The following GNA14 variants were observed in gnomAD, a reference collection of about 807,000 sequenced individuals.
GNA14 encodes G protein subunit alpha 14.
Under a neutral mutation model 42.0 loss-of-function variants are expected in GNA14, and 50 were observed. The ratio of observed to expected loss-of-function variants is 1.19; its 90% CI spans 0.95 to 1.51. The LOEUF is 1.51. GNA14 is among the 40% of genes most tolerant of loss of function. The pLI, the probability that GNA14 is intolerant of heterozygous loss-of-function variation, is 0.00. For synonymous variants in GNA14, 173 were observed against 163.1 expected (o/e 1.06, Z -0.46); for missense variants, 473 against 446.2 (o/e 1.06, Z -0.54).
chr9:77,616,675 T>G (rs1461638138), intron 1 of GNA14, among the ~76,000 whole-genome samples: 1 of 152,192 alleles, frequency 6.6e-6, no homozygotes, highest in Admixed American at 6.5e-5. Context: ...AAAGTTTTTA[T>G]TTACTCTACG....
intron 1 of GNA14, among the ~76,000 whole-genome samples, chr9:77,541,043 T>C (rs902456419): frequency 6.6e-6 from 1 of 152,170 alleles, no homozygotes; most frequent in African/African-American, 2.4e-5. Flanking sequence ...CTCTTGTTTG[T>C]CATTGTGGTT....
intron 1 of GNA14, among the ~76,000 whole-genome samples, chr9:77,603,545 G>C (rs577238212): frequency 6.6e-6 from 1 of 152,276 alleles, no homozygotes; most frequent in East Asian, 1.9e-4. Context: ...TCTCCTGAAA[G>C]AGGAAATGGA....
intron 1 of GNA14, among the ~76,000 whole-genome samples, chr9:77,638,520 T>C (rs1824214707): frequency 6.6e-6 from 1 of 152,154 alleles, no homozygotes; most frequent in Non-Finnish European, 1.5e-5. Flanking sequence ...GAAAAGAATG[T>C]TCCAGGCAGG....
chr9:77,610,695 T>A (rs756302841), intron 1 of GNA14, among the ~76,000 whole-genome samples: 61 of 152,332 alleles, frequency 4.0e-4, no homozygotes, highest in African/African-American at 1.4e-3. Context: ...CCAATATCTA[T>A]GAGTTTGATC....
rs896334454 is a variant in GNA14, at chr9:77,529,329, G to A, written c.125-76C>T. On this transcript the variant is annotated intron_variant, in intron 1 of 6. Coordinates refer to ENST00000341700, the MANE Select transcript of GNA14 (RefSeq NM_004297.4). ...ACACGAAGAAACAGAGGACCTCCTG[G>A]CAGTATTAATCCACATCCCAATTAA... 10 of 1,121,986 alleles carry A rather than the reference G, an allele frequency of 8.9e-6. No individual in the cohort carries two copies. In the African/African-American group the frequency reaches 1.1e-4, roughly 12 times the overall value. The allele number at this position is 1,121,986 out of a possible 1,614,324, so 69.5% of individuals were successfully genotyped here.
At chr9:77,631,523 T>C (rs1824100733) in intron 1 of GNA14, among the ~76,000 whole-genome samples, 2 of 150,482 alleles carry the variant, frequency 1.3e-5, no homozygotes, top group South Asian at 4.2e-4. Context: ...TTCACATATG[T>C]GCATAAAGAA....
intron 2 of GNA14, among the ~76,000 whole-genome samples, chr9:77,472,463 GA>G (rs1044652794): frequency 1.3e-5 from 2 of 152,062 alleles, no homozygotes; most frequent in African/African-American, 4.8e-5. Context: ...GGCATCCAGA[GA>G]AAAAGGGAAG....
chr9:77,503,374 G>C (rs1266786037), intron 2 of GNA14, among the ~76,000 whole-genome samples: 1 of 152,274 alleles, frequency 6.6e-6, no homozygotes, highest in South Asian at 2.1e-4. Flanking sequence ...CTAGATGAGA[G>C]AGGCACCCAA....
intron 2 of GNA14, among the ~76,000 whole-genome samples, chr9:77,460,803 A>G (rs151198762): frequency 1.3e-5 from 2 of 152,304 alleles, no homozygotes; most frequent in African/African-American, 4.8e-5. Flanking sequence ...CATTATCACC[A>G]TCACAGGCTG....
intron 1 of GNA14, among the ~76,000 whole-genome samples, chr9:77,537,642 TGGA>T (rs1837613953): frequency 6.6e-6 from 1 of 152,246 alleles, no homozygotes; most frequent in Admixed American, 6.5e-5. Context: ...TTTGAGTTGT[TGGA>T]GAATTCTCCA....
At chr9:77,642,925 C>T (rs1587858950) in intron 1 of GNA14, among the ~76,000 whole-genome samples, 1 of 152,190 alleles carries the variant, frequency 6.6e-6, no homozygotes, top group Non-Finnish European at 1.5e-5. Context: ...CTCACCCAAG[C>T]CCCCATGCGC....
At chr9:77,567,042 G>GGCCA (rs149666099) in intron 1 of GNA14, among the ~76,000 whole-genome samples, 5,553 of 152,158 alleles carry the variant, frequency 0.036, 125 homozygotes, top group Non-Finnish European at 0.055. Context: ...TCATGTGCCT[G>GGCCA]GGCCCAGTAT....
At chr9:77,604,658 C>T (rs1823622160) in intron 1 of GNA14, among the ~76,000 whole-genome samples, 1 of 152,214 alleles carries the variant, frequency 6.6e-6, no homozygotes, top group South Asian at 2.1e-4. Context: ...GAAGCAAAAT[C>T]ACATAATCCA....
chr9:77,601,047 C>T (rs995733053), intron 1 of GNA14, among the ~76,000 whole-genome samples: 1 of 152,320 alleles, frequency 6.6e-6, no homozygotes, highest in Middle Eastern at 3.4e-3. Flanking sequence ...GGTGGAGCTA[C>T]GGGAAGTTCG....
At chr9:77,562,819 C>G (rs1253310098) in intron 1 of GNA14, among the ~76,000 whole-genome samples, 1 of 152,094 alleles carries the variant, frequency 6.6e-6, no homozygotes, top group Non-Finnish European at 1.5e-5. Context: ...TCATCCTCTA[C>G]CCTGATCCCT....
intron 1 of GNA14, among the ~76,000 whole-genome samples, chr9:77,591,302 GTTGAAGGC>G (rs1233021920): frequency 6.6e-6 from 1 of 152,212 alleles, no homozygotes; most frequent in African/African-American, 2.4e-5. Context: ...TCCTGGTTGA[GTTGAAGGC>G]TCCATCCTTG....
intron 1 of GNA14, among the ~76,000 whole-genome samples, chr9:77,607,972 G>C (rs1460311977): frequency 6.6e-6 from 1 of 152,122 alleles, no homozygotes; most frequent in African/African-American, 2.4e-5. Flanking sequence ...TCTGAATTTG[G>C]GGTAGGGGGA....
At chr9:77,622,315 T>G (rs1823939024) in intron 1 of GNA14, among the ~76,000 whole-genome samples, 1 of 152,116 alleles carries the variant, frequency 6.6e-6, no homozygotes, top group African/African-American at 2.4e-5. Context: ...CTTCTTCAAA[T>G]TTAAGGAACA....
In GNA14 at chr9:77,469,180, C is replaced by T. The variant is rs1156773514; in HGVS notation, c.310-34658G>A. The stretch of plus-strand genomic sequence containing the variant: ...TCACCCCCATAAGTACTATCAGTTC[C>T]CTCTCTTCCTTCTTATGAGACCTAT... On this transcript the variant is annotated intron_variant, in intron 2 of 6. Transcript: ENST00000341700. Among the ~76,000 whole-genome samples the T allele has an allele frequency of 7.2e-5, 11 of 152,086 alleles. No homozygotes were observed. In the East Asian group the frequency reaches 1.9e-3, roughly 27 times the overall value.
Sources: gnomAD v4.1 joint callset for allele counts (sites outside exome capture counted in the v4.1 genomes callset) on GRCh38, gnomAD v4.1.1 for gene constraint, MANE v1.5 for transcripts, NCBI Gene and HGNC (gene_info 2026-07-23, HGNC 2026-07-21) for gene names.